Variants in SGCZ observed in about 807,000 individuals in gnomAD.
SGCZ encodes zeta-sarcoglycan.
A neutral mutation model predicts 41.3 loss-of-function variants in SGCZ; 40 were observed. The ratio of observed to expected loss-of-function variants is 0.97; its 90% CI spans 0.75 to 1.26. SGCZ has a LOEUF of 1.26. Ranked by LOEUF, SGCZ falls within the 50% of genes most tolerant of loss-of-function variation. The pLI, the probability that SGCZ is intolerant of heterozygous loss-of-function variation, is 0.00. For missense variants in SGCZ, 552 were observed against 369.8 expected, an observed-to-expected ratio of 1.49 and a Z score of -4.04; for synonymous variants, 206 against 137.5, an observed-to-expected ratio of 1.50 and a Z score of -3.49.
intron 5 of SGCZ, among the ~76,000 whole-genome samples, chr8:14,147,688 C>T (rs970933595): frequency 2.0e-5 from 3 of 152,256 alleles, no homozygotes; most frequent in African/African-American, 7.2e-5. Context: ...CTGACTTATT[C>T]TGCACTACAG....
intron 5 of SGCZ, among the ~76,000 whole-genome samples, chr8:14,130,030 G>A (rs1383362953): frequency 1.3e-5 from 2 of 152,108 alleles, no homozygotes; most frequent in Non-Finnish European, 2.9e-5. Flanking sequence ...AAATAATCTT[G>A]AAAAAGGAAA....
chr8:14,738,914 C>G (rs781724582), intron 1 of SGCZ, among the ~76,000 whole-genome samples: 16 of 152,016 alleles, frequency 1.1e-4, no homozygotes, highest in Non-Finnish European at 1.6e-4. Flanking sequence ...CAGGTAGGCT[C>G]TCTCTGGGAG....
intron 5 of SGCZ, among the ~76,000 whole-genome samples, chr8:14,141,445 T>C (rs1201006667): frequency 5.9e-5 from 9 of 152,150 alleles, no homozygotes; most frequent in Non-Finnish European, 1.3e-4. Flanking sequence ...ATCCAGAATC[T>C]ACAAAGAACT....
intron 1 of SGCZ, among the ~76,000 whole-genome samples, chr8:15,046,528 G>A (rs895960843): frequency 1.3e-5 from 2 of 151,878 alleles, no homozygotes; most frequent in Non-Finnish European, 2.9e-5. Flanking sequence ...CTTTTTCTAT[G>A]TTCCCGTCAT....
intron 1 of SGCZ, among the ~76,000 whole-genome samples, chr8:15,233,139 C>T (rs556363432): frequency 2.6e-5 from 4 of 151,748 alleles, no homozygotes; most frequent in African/African-American, 9.6e-5. Context: ...AAATATGTTT[C>T]ATCTTTCTCA....
At chr8:14,368,608 G>C (rs1803799333) in intron 2 of SGCZ, among the ~76,000 whole-genome samples, 1 of 151,976 alleles carries the variant, frequency 6.6e-6, no homozygotes, top group South Asian at 2.1e-4. Flanking sequence ...GCAGAGCTTT[G>C]CATTATAAGG....
intron 1 of SGCZ, among the ~76,000 whole-genome samples, chr8:14,865,930 G>C (rs1345592888): frequency 6.6e-6 from 1 of 152,100 alleles, no homozygotes; most frequent in African/African-American, 2.4e-5. Flanking sequence ...GGGACCCCTT[G>C]TCATTAATTT....
At chr8:14,935,819 G>C (rs1433413153) in intron 1 of SGCZ, among the ~76,000 whole-genome samples, 2 of 151,494 alleles carry the variant, frequency 1.3e-5, no homozygotes, top group African/African-American at 4.8e-5. Flanking sequence ...GATCAAAACA[G>C]CAAAATACAT....
In SGCZ at chr8:15,134,312, T is replaced by TG. The variant is rs1563143534; in HGVS notation, c.39+103272_39+103273insC. Among the ~76,000 whole-genome samples the TG allele has an allele frequency of 4.6e-4, 69 of 151,106 alleles. No individual in the cohort carries two copies. The East Asian group carries it at 0.011, about 23-fold the overall frequency. ...CAATAGGAGCATTAGGTCTTTTTTT[T>TG]TTTTGTTTCTTTACTTCCAATAATT... On this transcript the variant is annotated intron_variant, in intron 1 of 7. Transcript: ENST00000382080.
At chr8:14,918,216 C>G (rs758215253) in intron 1 of SGCZ, among the ~76,000 whole-genome samples, 5 of 151,992 alleles carry the variant, frequency 3.3e-5, no homozygotes, top group Non-Finnish European at 7.4e-5. Context: ...GCAATGAGAC[C>G]GGCTGAATTT....
At chr8:15,078,909 A>C (rs1233396183) in intron 1 of SGCZ, among the ~76,000 whole-genome samples, 1 of 152,094 alleles carries the variant, frequency 6.6e-6, no homozygotes, top group Non-Finnish European at 1.5e-5. Flanking sequence ...AATTTAGATA[A>C]CATTTTCCTT....
At chr8:14,685,695 T>C (rs1226584273) in intron 1 of SGCZ, among the ~76,000 whole-genome samples, 1 of 152,154 alleles carries the variant, frequency 6.6e-6, no homozygotes, top group Non-Finnish European at 1.5e-5. Context: ...CCAATATTGG[T>C]ATCTATTACA....
At chr8:14,667,696 A>G (rs113307447) in intron 1 of SGCZ, among the ~76,000 whole-genome samples, 1,721 of 152,268 alleles carry the variant, frequency 0.011, 30 homozygotes, top group African/African-American at 0.026. Context: ...TACCATCACT[A>G]TTGAACTCTT....
chr8:14,630,340 G>C (rs1364033599), intron 1 of SGCZ, among the ~76,000 whole-genome samples: 2 of 151,914 alleles, frequency 1.3e-5, no homozygotes, highest in Non-Finnish European at 2.9e-5. Context: ...GCTTGGAGGA[G>C]AGAGATGGCA....
intron 1 of SGCZ, among the ~76,000 whole-genome samples, chr8:14,910,231 T>C (rs1330013617): frequency 1.3e-5 from 2 of 152,122 alleles, no homozygotes; most frequent in Non-Finnish European, 2.9e-5. Flanking sequence ...TTGATAAGGA[T>C]AATTCCCAGT....
chr8:14,844,040 C>T (rs1290127398), intron 1 of SGCZ, among the ~76,000 whole-genome samples: 3 of 151,068 alleles, frequency 2.0e-5, no homozygotes, highest in Non-Finnish European at 2.9e-5. Flanking sequence ...ATATAATTCA[C>T]ATTTTAAAAA....
chr8:14,370,386 C>T (rs1220792823), intron 2 of SGCZ, among the ~76,000 whole-genome samples: 1 of 151,788 alleles, frequency 6.6e-6, no homozygotes, highest in African/African-American at 2.4e-5. Flanking sequence ...AATATAACAA[C>T]TATTGAATAT....
chr8:14,179,625 TAA>T (rs1252120138), intron 4 of SGCZ, among the ~76,000 whole-genome samples: 3 of 152,060 alleles, frequency 2.0e-5, no homozygotes, highest in Non-Finnish European at 2.9e-5. Context: ...ATGGATGGCG[TAA>T]AAGACAGGAA....
chr8:14,769,594 C>T (rs1053485045), intron 1 of SGCZ, among the ~76,000 whole-genome samples: 1 of 151,932 alleles, frequency 6.6e-6, no homozygotes, highest in African/African-American at 2.4e-5. Flanking sequence ...GAGTTCGAGA[C>T]CAGCCTGGCC....
Sources: gnomAD v4.1 joint callset for allele counts (sites outside exome capture counted in the v4.1 genomes callset) on GRCh38, gnomAD v4.1.1 for gene constraint, MANE v1.5 for transcripts, NCBI Gene and HGNC (gene_info 2026-07-23, HGNC 2026-07-21) for gene names.